The following MNAT1 variants were observed in gnomAD, a reference collection of about 807,000 sequenced individuals.
MNAT1 encodes the protein MNAT1 component of CDK activating kinase.
Under a neutral mutation model 42.0 loss-of-function variants are expected in MNAT1, and 43 were observed. That is an observed-to-expected ratio of 1.02 (90% CI 0.80 to 1.32). MNAT1 has a LOEUF of 1.32. Ranked by LOEUF, MNAT1 falls within the 40% of genes most tolerant of loss-of-function variation. The pLI, the probability that MNAT1 is intolerant of heterozygous loss-of-function variation, is 0.00. For missense variants in MNAT1, 306 were observed against 350.4 expected (o/e 0.87, Z 1.01); for synonymous variants, 118 against 120.0 (o/e 0.98, Z 0.11).
rs187780903 is a variant in MNAT1 at position 60,940,128 on chromosome 14, C to G, written c.810-28101C>G. On this transcript the variant is annotated intron_variant, in intron 7 of 7. Transcript: ENST00000261245. ...CTTTATTTTGAGCTTATGTGTGTCT[C>G]TGCACGTGAGATGGGTTTCCTGAAT... Among the ~76,000 whole-genome samples, 12 of 152,130 alleles carry G rather than the reference C, an allele frequency of 7.9e-5. No individual in the cohort carries two copies. The South Asian group carries it at 1.7e-3, about 21-fold the overall frequency.
rs1253093543 is a variant in MNAT1 at position 60,939,957 on chromosome 14, T to C, written c.810-28272T>C. ...TATATTTAGGATAGTTAGCTCTTCTTGTTGAATTGATCCCTTTACCATTAT... is the reference window on the plus strand; with the variant it reads ...TATATTTAGGATAGTTAGCTCTTCTCGTTGAATTGATCCCTTTACCATTAT... On this transcript the variant is annotated intron_variant, in intron 7 of 7. Coordinates refer to ENST00000261245, the MANE Select transcript of MNAT1 (RefSeq NM_002431.4). Among the ~76,000 whole-genome samples the C allele has an allele frequency of 2.0e-5, 3 of 152,222 alleles. No individual in the cohort carries two copies. In the East Asian group the frequency reaches 5.8e-4, roughly 29 times the overall value.
At chr14:60,823,495 A>T (rs1487325433) in intron 6 of MNAT1, among the ~76,000 whole-genome samples, 2 of 152,192 alleles carry the variant, frequency 1.3e-5, no homozygotes, top group Non-Finnish European at 2.9e-5. Context: ...TCTTTCTCTG[A>T]GTGGTATTTA....
intron 7 of MNAT1, among the ~76,000 whole-genome samples, chr14:60,918,491 A>T (rs1381417830): frequency 6.6e-6 from 1 of 151,480 alleles, no homozygotes; most frequent in Non-Finnish European, 1.5e-5. Flanking sequence ...TAGAGGCATG[A>T]GCCACAGTGC....
chr14:60,924,626 A>G (rs2035728838), intron 7 of MNAT1, among the ~76,000 whole-genome samples: 1 of 23,906 alleles, frequency 4.2e-5, no homozygotes. Flanking sequence ...CACAAATAAC[A>G]TCACCCTCCC....
chr14:60,801,074 T>C (rs1156421800), intron 3 of MNAT1, among the ~76,000 whole-genome samples: 1 of 151,304 alleles, frequency 6.6e-6, no homozygotes, highest in African/African-American at 2.4e-5. Context: ...CACTGGGAAA[T>C]AGAGATGTGG....
intron 1 of MNAT1, among the ~76,000 whole-genome samples, chr14:60,743,853 G>A (rs770347372): frequency 6.6e-6 from 1 of 151,920 alleles, no homozygotes; most frequent in Admixed American, 6.6e-5. Flanking sequence ...GTTCACTGTT[G>A]CCTGTCTGCC....
At chr14:60,746,897 C>T (rs867276025) in intron 1 of MNAT1, among the ~76,000 whole-genome samples, 548 of 22,032 alleles carry the variant, frequency 0.025, 77 homozygotes, top group African/African-American at 0.15. Flanking sequence ...AGATTCATTT[C>T]ATATATATAT....
At chr14:60,754,624 T>C (rs7146466) in intron 1 of MNAT1, among the ~76,000 whole-genome samples, 144,204 of 152,188 alleles carry the variant, frequency 0.95, 68,582 homozygotes, top group Non-Finnish European at 0.99. Flanking sequence ...GCTGGGATTA[T>C]AGGCGTGAGC....
At chr14:60,963,761 A>G (rs913001248) in intron 7 of MNAT1, among the ~76,000 whole-genome samples, 1 of 152,208 alleles carries the variant, frequency 6.6e-6, no homozygotes, top group Non-Finnish European at 1.5e-5. Context: ...AGAGTTCACT[A>G]CCTTTCTTAG....
intron 7 of MNAT1, among the ~76,000 whole-genome samples, chr14:60,921,837 A>G (rs1014192437): frequency 4.6e-5 from 7 of 152,182 alleles, no homozygotes; most frequent in Non-Finnish European, 8.8e-5. Flanking sequence ...TTCATTTGCT[A>G]CAATTTCCTG....
intron 7 of MNAT1, among the ~76,000 whole-genome samples, chr14:60,896,279 A>G (rs2034955197): frequency 6.6e-6 from 1 of 152,160 alleles, no homozygotes; most frequent in Admixed American, 6.5e-5. Flanking sequence ...GCTAATTGAA[A>G]TTCCCTAGAT....
At chr14:60,866,752 T>C (rs1002492770) in intron 6 of MNAT1, among the ~76,000 whole-genome samples, 74 of 152,166 alleles carry the variant, frequency 4.9e-4, no homozygotes, top group African/African-American at 1.8e-3. Context: ...CAGAGTTTAG[T>C]TGTAATTATA....
chr14:60,825,117 T>G (rs1472697915), intron 6 of MNAT1, among the ~76,000 whole-genome samples: 1 of 152,134 alleles, frequency 6.6e-6, no homozygotes, highest in African/African-American at 2.4e-5. Context: ...ATATATGTGA[T>G]CTAGAGTCTG....
intron 5 of MNAT1, among the ~76,000 whole-genome samples, chr14:60,813,651 G>T (rs1202862678): frequency 6.6e-6 from 1 of 152,144 alleles, no homozygotes; most frequent in African/African-American, 2.4e-5. Context: ...AGTCCACACA[G>T]TATGTACTGG....
At chr14:60,890,528 A>C (rs1369763759) in intron 7 of MNAT1, among the ~76,000 whole-genome samples, 1 of 152,174 alleles carries the variant, frequency 6.6e-6, no homozygotes, top group East Asian at 1.9e-4. Flanking sequence ...CACCATCTGC[A>C]AGCTAAGGAG....
At chr14:60,905,957 C>T (rs2094552) in intron 7 of MNAT1, among the ~76,000 whole-genome samples, 139,886 of 152,248 alleles carry the variant, frequency 0.92, 64,888 homozygotes, top group Non-Finnish European at 0.99. Context: ...CATAAAATTC[C>T]ATATGATAAT....
intron 1 of MNAT1, among the ~76,000 whole-genome samples, chr14:60,764,386 T>G (rs2030728506): frequency 1.3e-5 from 2 of 152,228 alleles, no homozygotes; most frequent in African/African-American, 4.8e-5. Flanking sequence ...ATTTTGTGTC[T>G]GCTATACCAG....
chr14:60,968,200 T>C (rs770408951), intron 7 of MNAT1, 29 bp from the exon 8 acceptor site: 52 of 1,527,762 alleles, frequency 3.4e-5, no homozygotes, highest in Non-Finnish European at 4.5e-5. Context: ...GCTTTGTATA[T>C]CAATGCTACA....
intron 4 of MNAT1, among the ~76,000 whole-genome samples, chr14:60,810,307 G>C (rs1318662143): frequency 1.3e-5 from 2 of 151,744 alleles, no homozygotes; most frequent in Admixed American, 1.3e-4. Context: ...AATTTTTTCT[G>C]TTCTTTTTCT....
Sources: allele counts gnomAD v4.1 joint callset (sites outside exome capture counted in the v4.1 genomes callset), GRCh38; gene constraint gnomAD v4.1.1; transcripts MANE v1.5; gene names NCBI Gene and HGNC (gene_info 2026-07-23, HGNC 2026-07-21).